The following LRRC37A3 variants were observed in gnomAD, a reference collection of about 807,000 sequenced individuals.
LRRC37A3 encodes the protein leucine-rich repeat-containing protein 37A3.
A neutral mutation model predicts 106.2 loss-of-function variants in LRRC37A3; 25 were observed. That is an observed-to-expected ratio of 0.24 (90% CI 0.17 to 0.33). The LOEUF is 0.33. LRRC37A3 is among the 10% of genes least tolerant of loss of function. The pLI, the probability that LRRC37A3 is intolerant of heterozygous loss-of-function variation, is 1.00. For synonymous variants in LRRC37A3, 305 were observed against 635.8 expected (o/e 0.48, Z 7.83); for missense variants, 712 against 1,644.9 (o/e 0.43, Z 9.81).
intron 8 of LRRC37A3, among the ~76,000 whole-genome samples, chr17:64,878,633 A>G (rs1006329073): frequency 1.3e-5 from 2 of 152,248 alleles, no homozygotes; most frequent in Admixed American, 1.3e-4. Context: ...GCAGCGAGAT[A>G]CTACTTTACA....
At position 64,897,442 on chromosome 17, in the gene LRRC37A3, G is replaced by C. The variant is rs530150087; in HGVS notation, c.-185C>G. On this transcript the variant is annotated 5_prime_UTR_variant, in exon 4 of 15. The change creates a new upstream start codon in the 5' untranslated region. Transcript: ENST00000584306. ...CCCTCTCCTCCCCTTAGTGAGGAAGGATTTGGGCCTCAGATCCTGGTGGTC... is the reference window on the plus strand; with the variant it reads ...CCCTCTCCTCCCCTTAGTGAGGAAGCATTTGGGCCTCAGATCCTGGTGGTC... 2.4e-6 allele frequency: 3 copies of C among 1,255,878 alleles called. 1 individual carries two copies. The African/African-American group carries it at 5.1e-5, about 21-fold the overall frequency. The allele number at this position is 1,255,878 out of a possible 1,614,324, so 77.8% of individuals were successfully genotyped here. A position where few individuals can be genotyped will look rare whatever the true frequency, so the allele number is the denominator to read the frequency against.
intron 8 of LRRC37A3, among the ~76,000 whole-genome samples, chr17:64,869,833 G>A (rs1193297734): frequency 1.3e-5 from 2 of 151,518 alleles, no homozygotes; most frequent in Admixed American, 6.6e-5. Flanking sequence ...GAGCCACTGC[G>A]GCTGGCTGCT....
intron 11 of LRRC37A3, among the ~76,000 whole-genome samples, chr17:64,861,460 G>A (rs1383984190): frequency 2.6e-5 from 4 of 152,184 alleles, no homozygotes; most frequent in African/African-American, 7.2e-5. Flanking sequence ...GGAGCAGGGT[G>A]GAGATGCTAA....
intron 8 of LRRC37A3, among the ~76,000 whole-genome samples, chr17:64,880,117 A>G (rs576008515): frequency 6.6e-6 from 1 of 151,868 alleles, no homozygotes; most frequent in East Asian, 1.9e-4. Context: ...TGAAATCAAA[A>G]TATAGGGCCA....
In LRRC37A3 at chr17:64,860,300, T is replaced by C; in HGVS notation, c.3846A>G (p.Leu1282=). ...WKDLTHAISI[L]ESAKARVTNM... is the part of the protein sequence containing the mutation. ...TTGTAACTCTAGCCTTTGCACTTTC[T>C]AAAATGGAAATAGCGTGGGTTAAGT... Residue 1282 remains leucine, a synonymous_variant, in exon 12 of 15, where the codon TTA becomes TTG. Transcript: ENST00000584306. 1 of 1,614,014 alleles carries C rather than the reference T, an allele frequency of 6.2e-7. No homozygotes were observed. The highest frequency in any genetic ancestry group is 8.5e-7 in the Non-Finnish European group (1 of 1,179,878).
chr17:64,857,316 T>A (rs1217588645), intron 13 of LRRC37A3, among the ~76,000 whole-genome samples: 1 of 152,218 alleles, frequency 6.6e-6, no homozygotes, highest in Non-Finnish European at 1.5e-5. Flanking sequence ...AGATCTTTTA[T>A]CTAACAAAAG....
chr17:64,860,486 C>T lies in LRRC37A3; in HGVS notation c.3660G>A (p.Gln1220=). The change falls in exon 12 of 15, where the codon CAG becomes CAA. Residue 1220 remains glutamine, a synonymous_variant. Transcript: ENST00000584306. ...TTCCCGCTAACTTCTCAGGCCCCTG[C>T]TGTGTGTGAGGCTGTTTCAGCTCCC... is the stretch of plus-strand genomic sequence containing the variant. ...APRELKQPHT[Q]QGPEKLAGNA... 1 of 1,613,448 alleles carries T rather than the reference C, an allele frequency of 6.2e-7. No homozygotes were observed. The highest frequency in any genetic ancestry group is 8.5e-7 in the Non-Finnish European group (1 of 1,179,856).
chr17:64,873,446 C>T (rs1473036037), intron 8 of LRRC37A3, among the ~76,000 whole-genome samples: 1 of 152,194 alleles, frequency 6.6e-6, no homozygotes, highest in African/African-American at 2.4e-5. Flanking sequence ...AGGCACAAGC[C>T]ACCATGCCTG....
intron 14 of LRRC37A3, among the ~76,000 whole-genome samples, chr17:64,854,926 C>A (rs1972625763): frequency 6.6e-6 from 1 of 152,234 alleles, no homozygotes; most frequent in South Asian, 2.1e-4. Flanking sequence ...CAACCTGCGC[C>A]TCCTGGCTTC....
intron 2 of LRRC37A3, among the ~76,000 whole-genome samples, chr17:64,917,036 G>A (rs1250431382): frequency 6.6e-6 from 1 of 151,498 alleles, no homozygotes; most frequent in South Asian, 2.1e-4. Flanking sequence ...ACGAGGTCAG[G>A]ATATCGAGAC....
intron 13 of LRRC37A3, among the ~76,000 whole-genome samples, chr17:64,857,597 C>T (rs1015142547): frequency 6.6e-6 from 1 of 152,084 alleles, no homozygotes; most frequent in Non-Finnish European, 1.5e-5. Flanking sequence ...CTCAAGCGAT[C>T]CTCCCACTTC....
At chr17:64,864,927 G>T (rs530600143) in intron 10 of LRRC37A3, among the ~76,000 whole-genome samples, 28 of 152,266 alleles carry the variant, frequency 1.8e-4, no homozygotes, top group Non-Finnish European at 4.0e-4. Flanking sequence ...ATGGATACAA[G>T]AAGTCTATGA....
At chr17:64,916,613 T>TAAA (rs3972255) in intron 2 of LRRC37A3, among the ~76,000 whole-genome samples, 2 of 96,876 alleles carry the variant, frequency 2.1e-5, no homozygotes, top group African/African-American at 4.0e-5. Context: ...CCATCTCTAT[T>TAAA]AAAAAAAAAA....
intron 10 of LRRC37A3, among the ~76,000 whole-genome samples, chr17:64,863,908 G>T (rs1426327426): frequency 6.6e-6 from 1 of 151,598 alleles, no homozygotes; most frequent in Non-Finnish European, 1.5e-5. Flanking sequence ...GGGCTCAAGG[G>T]ATCCTCCAAA....
At chr17:64,881,177 C>T (rs1056110071) in intron 8 of LRRC37A3, 68 of 700,788 alleles carry the variant, frequency 9.7e-5, no homozygotes, top group Admixed American at 5.6e-4. Flanking sequence ...GACTGCATCA[C>T]GTAAATGCTT....
chr17:64,868,338 C>T (rs1973189076), intron 10 of LRRC37A3, 124 bp downstream of exon 10: 1 of 651,150 alleles, frequency 1.5e-6, no homozygotes, highest in Non-Finnish European at 2.7e-6. Flanking sequence ...TCAAACTGTA[C>T]ACTTAAAAAG....
chr17:64,860,244 G>A lies in LRRC37A3; in HGVS notation c.3902C>T (p.Ser1301Phe), dbSNP rs1477479877. 1.2e-6 allele frequency: 2 copies of A among 1,613,964 alleles called. No homozygotes were observed. Among genetic ancestry groups the A allele is most frequent in the Admixed American group, 1.7e-5 (1 of 60,012 alleles). Residue 1301 changes from serine (S) to phenylalanine (F), a missense_variant, in exon 12 of 15, where the codon TCC becomes TTC. Ser to Phe is a radical substitution (Grantham distance 155). Transcript: ENST00000584306. ...NMKTSKPIVH[S>F]RKKYRFHKTR... ...TTTGTGAAAGCGGTATTTTTTTCTG[G>A]AATGTACGATGGGTTTAGATGTCTT...
chr17:64,884,573 C>T (rs1024104320), intron 8 of LRRC37A3, among the ~76,000 whole-genome samples: 6 of 149,456 alleles, frequency 4.0e-5, no homozygotes, highest in Non-Finnish European at 8.8e-5. Flanking sequence ...CCATGTTGGT[C>T]AGGCTGGTCT....
chr17:64,913,015 T>C (rs1974623887), intron 2 of LRRC37A3, among the ~76,000 whole-genome samples: 1 of 114,968 alleles, frequency 8.7e-6, no homozygotes, highest in Non-Finnish European at 2.3e-5. Flanking sequence ...AATTTTATAT[T>C]AATATTAAGT....
Sources: allele counts gnomAD v4.1 joint callset (sites outside exome capture counted in the v4.1 genomes callset), GRCh38; gene constraint gnomAD v4.1.1; transcripts MANE v1.5; gene names NCBI Gene and HGNC (gene_info 2026-07-23, HGNC 2026-07-21).